DMD: variants seen among roughly 807,000 people sequenced by gnomAD.
The protein encoded by DMD is dystrophin.
Under a neutral mutation model 330.1 loss-of-function variants are expected in DMD, and 63 were observed. The observed-to-expected ratio is 0.19, with a 90% CI of 0.16 to 0.24. The LOEUF (loss-of-function observed/expected upper bound fraction) is 0.24. Among genes scored for constraint, DMD ranks in the 10% least tolerant of loss-of-function variants. The pLI is 1.00. For missense variants in DMD, 3,344 were observed against 2,684.1 expected (o/e 1.25, Z -5.43); for synonymous variants, 1,223 against 959.8 (o/e 1.27, Z -5.07).
At chrX:32,354,946 G>C (rs1186117489) in intron 37 of DMD, among the ~76,000 whole-genome samples, 1 of 111,472 alleles carries the variant, frequency 9.0e-6, no homozygotes, top group Non-Finnish European at 1.9e-5. Flanking sequence ...AGTAGGAAAT[G>C]AATTAAAAGA....
At chrX:31,899,931 A>G (rs943506612) in intron 47 of DMD, among the ~76,000 whole-genome samples, 2 of 111,493 alleles carry the variant, frequency 1.8e-5, no homozygotes, top group African/African-American at 6.5e-5. Flanking sequence ...TAGTAAGAAA[A>G]TGAGACTGCT....
chrX:31,954,650 A>G (rs1403172820), intron 45 of DMD, among the ~76,000 whole-genome samples: 1 of 110,879 alleles, frequency 9.0e-6, no homozygotes, highest in East Asian at 2.9e-4. Context: ...AAAGACAAAT[A>G]TTATGTGTTG....
chrX:32,395,218 G>A (rs1314120420), intron 30 of DMD, among the ~76,000 whole-genome samples: 2 of 111,419 alleles, frequency 1.8e-5, no homozygotes, highest in South Asian at 7.5e-4. Flanking sequence ...AATCTTATTC[G>A]TATGTTGATA....
At chrX:31,209,726 T>C in intron 64 of DMD, 27 bp from the exon 65 acceptor site, 1 of 1,185,045 alleles carries the variant, frequency 8.4e-7, no homozygotes, top group African/African-American at 1.7e-5. Context: ...AAATCACAAA[T>C]GACTCAAAGA....
chrX:33,148,460 A>G (rs867799906), intron 1 of DMD, among the ~76,000 whole-genome samples: 1 of 112,247 alleles, frequency 8.9e-6, no homozygotes, highest in Non-Finnish European at 1.9e-5. Context: ...CCTATCAGTC[A>G]GGTTTTTAAA....
At chrX:32,861,633 T>A (rs939770900) in intron 2 of DMD, among the ~76,000 whole-genome samples, 1 of 111,670 alleles carries the variant, frequency 9.0e-6, no homozygotes, top group Admixed American at 9.5e-5. Context: ...AGTTACTACA[T>A]AGAGAGAGAA....
chrX:31,817,688 T>C (rs180973422), intron 50 of DMD, among the ~76,000 whole-genome samples: 4 of 111,443 alleles, frequency 3.6e-5, no homozygotes, highest in African/African-American at 9.8e-5. Context: ...GTGGAGGACA[T>C]AGGAGAAGAC....
intron 41 of DMD, among the ~76,000 whole-genome samples, chrX:32,310,922 T>A (rs2097559882): frequency 9.0e-6 from 1 of 110,995 alleles, no homozygotes; most frequent in Non-Finnish European, 1.9e-5. Flanking sequence ...AACTCCAGAA[T>A]GTCCTGATAT....
At chrX:32,432,697 T>C (rs1443597362) in intron 29 of DMD, among the ~76,000 whole-genome samples, 1 of 112,387 alleles carries the variant, frequency 8.9e-6, no homozygotes. Context: ...TTACTATTAT[T>C]ATAGACAGAT....
At position 31,121,766 on chromosome X, in the gene DMD, ACTGT is replaced by A. The variant is rs1480710100; in HGVS notation, c.*149_*152del. 1 of 802,491 alleles carries A rather than the reference ACTGT, an allele frequency of 1.2e-6. No homozygotes were observed. The highest frequency in any genetic ancestry group is 2.0e-5 in the African/African-American group (1 of 49,404). The allele number at this position is 802,491 out of a possible 1,213,427, so 66.1% of individuals were successfully genotyped here. A position where few individuals can be genotyped will look rare whatever the true frequency, so the allele number is the denominator to read the frequency against. ...ATAGATTTATTTCTTGTAAACTCTT[ACTGT>A]CTAATCCTCTTTGTTGTATGAATAT... is the stretch of plus-strand genomic sequence containing the variant. On this transcript the variant is annotated 3_prime_UTR_variant, in exon 79 of 79. Coordinates refer to ENST00000357033, the MANE Select transcript of DMD (RefSeq NM_004006.3).
In DMD at chrX:31,960,885, T is replaced by C. The variant is rs191359222; in HGVS notation, c.6614+7454A>G. ...AGATGGGAAGAGACCAGCTTTTCCATTGACACCTGTGAATAATAATATCTG... is the reference window on the plus strand; with the variant it reads ...AGATGGGAAGAGACCAGCTTTTCCACTGACACCTGTGAATAATAATATCTG... On this transcript the variant is annotated intron_variant, in intron 45 of 78. Coordinates refer to ENST00000357033, the MANE Select transcript of DMD (RefSeq NM_004006.3). Among the ~76,000 whole-genome samples the C allele has an allele frequency of 1.2e-4, 14 of 112,367 alleles. No individual in the cohort carries two copies. The East Asian group carries it at 2.8e-3, about 23-fold the overall frequency.
chrX:33,025,828 G>A (rs2093985462), intron 1 of DMD, among the ~76,000 whole-genome samples: 1 of 111,845 alleles, frequency 8.9e-6, no homozygotes, highest in Non-Finnish European at 1.9e-5. Flanking sequence ...CAAAGTGCTA[G>A]GACTACAGGC....
chrX:31,933,533 G>A (rs905003807), intron 45 of DMD, among the ~76,000 whole-genome samples: 5 of 111,495 alleles, frequency 4.5e-5, no homozygotes, highest in Non-Finnish European at 9.4e-5. Context: ...TGTCTTTTGG[G>A]AACTATGTGT....
chrX:31,636,892 C>T (rs954386900), intron 54 of DMD, among the ~76,000 whole-genome samples: 4 of 111,292 alleles, frequency 3.6e-5, no homozygotes, highest in Non-Finnish European at 5.7e-5. Context: ...AGGCATTAAT[C>T]GAATATTTTA....
chrX:32,775,471 T>A (rs994525723), intron 7 of DMD, among the ~76,000 whole-genome samples: 1 of 113,154 alleles, frequency 8.8e-6, no homozygotes, highest in African/African-American at 3.2e-5. Context: ...TCTAGACATC[T>A]AGGCAGAGGT....
intron 2 of DMD, among the ~76,000 whole-genome samples, chrX:32,885,287 C>T (rs1302594843): frequency 3.6e-5 from 4 of 111,090 alleles, no homozygotes; most frequent in Non-Finnish European, 5.7e-5. Flanking sequence ...TCTTTGATTT[C>T]GATTAGAGGT....
At chrX:33,247,586 G>A (rs1426045907) in intron 1 of DMD, among the ~76,000 whole-genome samples, 1 of 111,272 alleles carries the variant, frequency 9.0e-6, no homozygotes, top group Admixed American at 9.6e-5. Context: ...TGTTGTTATT[G>A]TTATTTAATC....
intron 13 of DMD, among the ~76,000 whole-genome samples, chrX:32,588,453 T>A: frequency 8.9e-6 from 1 of 112,045 alleles, no homozygotes; most frequent in East Asian, 2.8e-4. Flanking sequence ...ACATACAGGG[T>A]ATCAGAAACA....
At chrX:32,630,871 C>T (rs1364210729) in intron 11 of DMD, among the ~76,000 whole-genome samples, 2 of 111,671 alleles carry the variant, frequency 1.8e-5, no homozygotes, top group African/African-American at 3.3e-5. Flanking sequence ...CTTGGATGGT[C>T]TTGATGCTTC....
Sources: allele counts gnomAD v4.1 joint callset (sites outside exome capture counted in the v4.1 genomes callset), GRCh38; gene constraint gnomAD v4.1.1; transcripts MANE v1.5; gene names NCBI Gene and HGNC (gene_info 2026-07-23, HGNC 2026-07-21).